The following SUMF1 variants were observed in gnomAD, a reference collection of about 807,000 sequenced individuals.
SUMF1 encodes sulfatase modifying factor 1.
Under a neutral mutation model 47.6 loss-of-function variants are expected in SUMF1, and 48 were observed. That is an observed-to-expected ratio of 1.01 (90% CI 0.80 to 1.28). The LOEUF (loss-of-function observed/expected upper bound fraction) is 1.28. Among genes scored for constraint, SUMF1 ranks in the 50% most tolerant of loss-of-function variants. SUMF1 has a pLI of 0.00. For missense variants in SUMF1, 571 were observed against 485.4 expected, an observed-to-expected ratio of 1.18 and a Z score of -1.66; for synonymous variants, 230 against 192.1, an observed-to-expected ratio of 1.20 and a Z score of -1.63.
Position 4,247,043 on chromosome 3 carries a change from GT to G in SUMF1, c.1014+129286del, listed in dbSNP as rs201734432. Among the ~76,000 whole-genome samples, 451 of 152,162 alleles carry G rather than the reference GT, an allele frequency of 3.0e-3. 5 individuals are homozygous for G. Among genetic ancestry groups the G allele is most frequent in the African/African-American group, 0.01 (426 of 41,506 alleles). ...AGGCATATGCATGAGGTGACTTCAT[GT>G]TTTCAGTATTAATTTCTACCCTGTC... On this transcript the variant is annotated intron_variant and NMD_transcript_variant, in intron 8 of 12. Transcript: ENST00000448413.
intron 8 of SUMF1, among the ~76,000 whole-genome samples, chr3:4,281,805 G>T (rs908222314): frequency 1.3e-5 from 2 of 151,962 alleles, no homozygotes; most frequent in African/African-American, 4.8e-5. Flanking sequence ...AGTACAGAAA[G>T]AAGAAGAAAA....
chr3:4,358,581 GA>G (rs1699673939), downstream of SUMF1, among the ~76,000 whole-genome samples: 2 of 152,040 alleles, frequency 1.3e-5, no homozygotes, highest in South Asian at 4.2e-4. Context: ...TAATTTTAAA[GA>G]AAACCTTAGC....
At chr3:4,135,994 G>A (rs201516400) in intron 8 of SUMF1, among the ~76,000 whole-genome samples, 1 of 152,082 alleles carries the variant, frequency 6.6e-6, no homozygotes, top group Non-Finnish European at 1.5e-5. Flanking sequence ...ACAAATGGAA[G>A]AACATTCCAT....
At chr3:4,455,143 A>T (rs988804189) in intron 1 of SUMF1, among the ~76,000 whole-genome samples, 1 of 152,250 alleles carries the variant, frequency 6.6e-6, no homozygotes, top group Non-Finnish European at 1.5e-5. Context: ...TACACTCTTT[A>T]CAGACACAAT....
intron 8 of SUMF1, among the ~76,000 whole-genome samples, chr3:4,148,701 T>A (rs1192478033): frequency 6.6e-6 from 1 of 152,164 alleles, no homozygotes. Flanking sequence ...CAGTGAAATT[T>A]TCTTTACAAA....
chr3:4,287,421 C>A (rs1326989848), intron 8 of SUMF1, among the ~76,000 whole-genome samples: 2 of 143,152 alleles, frequency 1.4e-5, no homozygotes, highest in Admixed American at 1.4e-4. Context: ...AAAAAAAAAT[C>A]TTTCACACAT....
chr3:4,046,770 A>C (rs1207781255), intron 9 of SUMF1, among the ~76,000 whole-genome samples: 2 of 152,052 alleles, frequency 1.3e-5, no homozygotes, highest in East Asian at 1.9e-4. Context: ...TAAACTCTTA[A>C]CTGTCTCTCT....
intron 8 of SUMF1, among the ~76,000 whole-genome samples, chr3:4,216,406 A>T (rs1261704281): frequency 6.6e-6 from 1 of 152,232 alleles, no homozygotes; most frequent in Non-Finnish European, 1.5e-5. Context: ...TGTATTACAG[A>T]GTTAAACATA....
chr3:4,423,795 C>T (rs774990241), intron 3 of SUMF1, among the ~76,000 whole-genome samples: 2 of 152,058 alleles, frequency 1.3e-5, no homozygotes, highest in African/African-American at 2.4e-5. Flanking sequence ...TGGGCCGTCC[C>T]CTTGGTGATG....
intron 8 of SUMF1, among the ~76,000 whole-genome samples, chr3:4,204,840 A>C (rs999975611): frequency 2.7e-5 from 4 of 149,286 alleles, no homozygotes. Context: ...TTTTTTTATT[A>C]TTTCAATTAC....
intron 8 of SUMF1, among the ~76,000 whole-genome samples, chr3:4,238,307 G>A (rs1356956703): frequency 1.3e-5 from 2 of 152,088 alleles, no homozygotes; most frequent in South Asian, 2.1e-4. Context: ...CGGGATTGCT[G>A]GGTCAAATGT....
intron 8 of SUMF1, among the ~76,000 whole-genome samples, chr3:4,071,739 C>G (rs554429606): frequency 8.5e-5 from 13 of 152,210 alleles, no homozygotes; most frequent in Non-Finnish European, 1.8e-4. Context: ...CTGACTGCCT[C>G]TCTAGATTCC....
At chr3:4,283,949 C>T (rs1438842484) in intron 8 of SUMF1, among the ~76,000 whole-genome samples, 2 of 152,096 alleles carry the variant, frequency 1.3e-5, no homozygotes, top group South Asian at 2.1e-4. Context: ...GTCCCATTCA[C>T]GAGAGATCTG....
intron 8 of SUMF1, among the ~76,000 whole-genome samples, chr3:4,309,924 A>G (rs1040657080): frequency 6.6e-6 from 1 of 152,242 alleles, no homozygotes; most frequent in African/African-American, 2.4e-5. Flanking sequence ...GTCATTATGC[A>G]AAAGTCATAG....
chr3:4,331,989 CTTTTT>C (rs1239046122), intron 8 of SUMF1, among the ~76,000 whole-genome samples: 1 of 152,082 alleles, frequency 6.6e-6, no homozygotes, highest in Non-Finnish European at 1.5e-5. Flanking sequence ...ATTCTGAAGA[CTTTTT>C]TTATTTTACC....
intron 8 of SUMF1, among the ~76,000 whole-genome samples, chr3:4,172,585 G>A (rs2125124987): frequency 6.6e-6 from 1 of 152,226 alleles, no homozygotes; most frequent in Non-Finnish European, 1.5e-5. Context: ...TAAGTTACTT[G>A]CCTAAGATCA....
At chr3:4,255,197 C>G (rs1696921362) in intron 8 of SUMF1, among the ~76,000 whole-genome samples, 1 of 139,812 alleles carries the variant, frequency 7.2e-6, no homozygotes. Flanking sequence ...TAGGAAGAAA[C>G]TGCATCAACT....
chr3:4,418,143 G>C lies in SUMF1; in HGVS notation c.603-11C>G, dbSNP rs2125035980. 1.8e-5 allele frequency: 29 copies of C among 1,613,930 alleles called. No individual in the cohort carries two copies. The highest frequency in any genetic ancestry group is 2.4e-5 in the Non-Finnish European group (28 of 1,179,978). ...ACTGGATGATCCGGCCTGGGGAAGA[G>C]CAAAAGTAGAATGAAAAGTGACACC... On this transcript the variant is annotated splice_polypyrimidine_tract_variant and intron_variant, in intron 4 of 8. Coordinates refer to ENST00000272902, the MANE Select transcript of SUMF1 (RefSeq NM_182760.4).
At chr3:4,465,199 T>G (rs2079911005) in intron 1 of SUMF1, among the ~76,000 whole-genome samples, 1 of 152,184 alleles carries the variant, frequency 6.6e-6, no homozygotes, top group Non-Finnish European at 1.5e-5. Flanking sequence ...CAGACTGGCT[T>G]GGCGCGGTGG....
Sources: allele counts gnomAD v4.1 joint callset (sites outside exome capture counted in the v4.1 genomes callset), GRCh38; gene constraint gnomAD v4.1.1; transcripts MANE v1.5; gene names NCBI Gene and HGNC (gene_info 2026-07-23, HGNC 2026-07-21).